MYO18B: variants seen among roughly 807,000 people sequenced by gnomAD.
MYO18B encodes unconventional myosin-XVIIIb.
A neutral mutation model predicts 273.0 loss-of-function variants in MYO18B; 204 were observed. The observed-to-expected ratio is 0.75, with a 90% confidence interval of 0.67 to 0.84. The LOEUF is 0.84. MYO18B is among the 40% of genes least tolerant of loss of function. The probability of loss-of-function intolerance (pLI) is 0.00; values close to 1 mark genes in which losing one functional copy is unlikely to be tolerated. For synonymous variants in MYO18B, 1,330 were observed against 1,305.7 expected (o/e 1.02, Z -0.40); for missense variants, 3,212 against 3,287.6 (o/e 0.98, Z 0.56).
At chr22:26,018,456 G>A (rs1601844438) in intron 42 of MYO18B, among the ~76,000 whole-genome samples, 1 of 152,284 alleles carries the variant, frequency 6.6e-6, no homozygotes, top group East Asian at 1.9e-4. Flanking sequence ...TCAGCTAGGG[G>A]TGGGGGAGCT....
the MYO18B span, among the ~76,000 whole-genome samples, chr22:26,039,572 C>A: frequency 5.3e-5 from 8 of 152,192 alleles, no homozygotes; most frequent in South Asian, 1.7e-3. Context: ...GCCACAGCCT[C>A]CTACACACCT....
At chr22:25,843,606 T>G (rs1433903929) in intron 17 of MYO18B, 129 bp from the exon 18 acceptor site, 1 of 822,852 alleles carries the variant, frequency 1.2e-6, no homozygotes, top group African/African-American at 1.7e-5. Context: ...GAAATGTGGG[T>G]GCCTTCGACC....
At chr22:25,926,642 G>A (rs974887786) in intron 34 of MYO18B, among the ~76,000 whole-genome samples, 1 of 152,190 alleles carries the variant, frequency 6.6e-6, no homozygotes, top group Non-Finnish European at 1.5e-5. Flanking sequence ...GTGTTCGAAT[G>A]CACATGTTAG....
At chr22:26,041,160 T>TTC in the MYO18B span, among the ~76,000 whole-genome samples, 1 of 152,000 alleles carries the variant, frequency 6.6e-6, no homozygotes, top group Non-Finnish European at 1.5e-5. Flanking sequence ...AGCCTTTTTT[T>TTC]TCCTCATAAG....
chr22:26,002,571 G>T (rs1934053750), intron 40 of MYO18B, among the ~76,000 whole-genome samples: 1 of 152,166 alleles, frequency 6.6e-6, no homozygotes, highest in Non-Finnish European at 1.5e-5. Flanking sequence ...CCAGCCTGAT[G>T]ATCCAGATTA....
rs2086974348 is a variant in MYO18B at position 25,777,795 on chromosome 22, T to C, written c.2068+14T>C. On this transcript the variant is annotated intron_variant, in intron 8 of 43. Transcript: ENST00000335473. ...GCAGGGTCTCAGGTATGGTGGTCTC[T>C]AGGTGACATGGAGAGTTGGGGTCAG... 1 of 1,573,364 alleles carries C rather than the reference T, an allele frequency of 6.4e-7. No individual in the cohort carries two copies. Among genetic ancestry groups the C allele is most frequent in the African/African-American group, 1.4e-5 (1 of 73,840 alleles).
At chr22:25,980,400 G>A (rs889971172) in intron 39 of MYO18B, among the ~76,000 whole-genome samples, 1 of 152,226 alleles carries the variant, frequency 6.6e-6, no homozygotes, top group African/African-American at 2.4e-5. Context: ...AGAAGCAGGT[G>A]CCTGGAGCAG....
chr22:25,760,994 A>G lies in MYO18B; in HGVS notation c.-99A>G. ...GTCCCTGTGTGTCAGTTCTGTGTCCATCTCATGTGCTGCGTGTGTCTGTAA... is the reference window on the plus strand; with the variant it reads ...GTCCCTGTGTGTCAGTTCTGTGTCCGTCTCATGTGCTGCGTGTGTCTGTAA... On this transcript the variant is annotated 5_prime_UTR_variant, in exon 2 of 44. Coordinates refer to ENST00000335473, the MANE Select transcript of MYO18B (RefSeq NM_032608.7). 2 of 1,305,102 alleles carry G rather than the reference A, an allele frequency of 1.5e-6. No individual in the cohort carries two copies. The highest frequency in any genetic ancestry group is 2.2e-6 in the Non-Finnish European group (2 of 906,326). 80.8% of individuals were successfully genotyped at this position (1,305,102 alleles called of 1,614,324 possible).
At chr22:25,855,317 T>C (rs1017051743) in intron 21 of MYO18B, among the ~76,000 whole-genome samples, 2 of 149,046 alleles carry the variant, frequency 1.3e-5, no homozygotes, top group African/African-American at 5.0e-5. Context: ...GGAGTCTTGC[T>C]TTGTTGCCCA....
intron 34 of MYO18B, among the ~76,000 whole-genome samples, chr22:25,921,702 TTGTGTGTGTGTGTGTGTGTGTGTG>T (rs3070571): frequency 2.7e-5 from 4 of 145,600 alleles, no homozygotes; most frequent in African/African-American, 1.0e-4. Context: ...AGTGTGCCTG[TTGTGTGTGTGTGTGTGTGTGTGTG>T]TGTGTGTGTG....
At chr22:25,948,338 C>G (rs2092739649) in intron 36 of MYO18B, among the ~76,000 whole-genome samples, 1 of 152,174 alleles carries the variant, frequency 6.6e-6, no homozygotes, top group Non-Finnish European at 1.5e-5. Context: ...TTCATCCATC[C>G]TACCACCGCT....
chr22:25,904,779 A>C (rs2092006895), intron 31 of MYO18B, among the ~76,000 whole-genome samples: 1 of 152,190 alleles, frequency 6.6e-6, no homozygotes, highest in Admixed American at 6.5e-5. Flanking sequence ...AAAACAATCC[A>C]AACCACAAAA....
chr22:25,812,307 A>T (rs758690069), intron 12 of MYO18B, among the ~76,000 whole-genome samples: 1 of 152,134 alleles, frequency 6.6e-6, no homozygotes, highest in African/African-American at 2.4e-5. Context: ...TTCTGACTGC[A>T]GCTCATAACT....
At chr22:25,967,180 G>GA (rs1569246158) in intron 39 of MYO18B, among the ~76,000 whole-genome samples, 1 of 152,176 alleles carries the variant, frequency 6.6e-6, no homozygotes, top group African/African-American at 2.4e-5. Context: ...CTGGAAATTA[G>GA]AGTAACTTAA....
intron 34 of MYO18B, among the ~76,000 whole-genome samples, chr22:25,930,749 C>T (rs1412428944): frequency 6.6e-6 from 1 of 152,132 alleles, no homozygotes; most frequent in Non-Finnish European, 1.5e-5. Context: ...GCAGGGACTA[C>T]AGGCCACATC....
chr22:25,848,258 G>A (rs1228620796), intron 20 of MYO18B, among the ~76,000 whole-genome samples: 1 of 152,034 alleles, frequency 6.6e-6, no homozygotes, highest in Non-Finnish European at 1.5e-5. Context: ...ACTTGATGAG[G>A]GCTCATAGCA....
At chr22:25,856,881 C>T (rs1052236055) in intron 21 of MYO18B, among the ~76,000 whole-genome samples, 2 of 152,132 alleles carry the variant, frequency 1.3e-5, no homozygotes, top group African/African-American at 4.8e-5. Flanking sequence ...CATAGCAGAC[C>T]TGATCTTTGT....
the MYO18B span, among the ~76,000 whole-genome samples, chr22:26,054,466 C>A: frequency 6.6e-6 from 1 of 152,178 alleles, no homozygotes; most frequent in African/African-American, 2.4e-5. Context: ...AGAGAAGCAA[C>A]AGAAAATGAG....
intron 12 of MYO18B, among the ~76,000 whole-genome samples, chr22:25,820,129 T>G (rs527587584): frequency 4.1e-3 from 101 of 24,654 alleles, no homozygotes; most frequent in African/African-American, 0.014. Flanking sequence ...CATCATTTTT[T>G]AAAGTGACAG....
Sources: gnomAD v4.1 joint callset for allele counts (sites outside exome capture counted in the v4.1 genomes callset) on GRCh38, gnomAD v4.1.1 for gene constraint, MANE v1.5 for transcripts, NCBI Gene and HGNC (gene_info 2026-07-23, HGNC 2026-07-21) for gene names.